Variants in MAPDA observed in about 807,000 individuals in gnomAD.
The protein encoded by MAPDA is N6-Methyl-AMP deaminase, also known as N6,N6-dimethyl-AMP deaminase.
chr15:43,337,438 A>G, the MAPDA span, among the ~76,000 whole-genome samples: 1 of 152,200 alleles, frequency 6.6e-6, no homozygotes, highest in African/African-American at 2.4e-5. Flanking sequence ...TCCCTAGGGA[A>G]ATTGTGCTTT....
chr15:43,345,926 C>G, the MAPDA span: 1 of 1,614,090 alleles, frequency 6.2e-7, no homozygotes, highest in Non-Finnish European at 8.5e-7. Flanking sequence ...CCGAGGAGTT[C>G]TTCCTTTCTA....
chr15:43,337,187 A>C, the MAPDA span, among the ~76,000 whole-genome samples: 1 of 151,118 alleles, frequency 6.6e-6, no homozygotes, highest in Non-Finnish European at 1.5e-5. Context: ...GAGGTAGGAG[A>C]ATGATGTGAA....
chr15:43,338,572 T>C, the MAPDA span, among the ~76,000 whole-genome samples: 1 of 152,254 alleles, frequency 6.6e-6, no homozygotes, highest in Non-Finnish European at 1.5e-5. Flanking sequence ...CCATTCAAGC[T>C]TATACAGTCT....
chr15:43,330,412 G>A, the MAPDA span: 11 of 1,570,986 alleles, frequency 7.0e-6, no homozygotes, highest in East Asian at 4.5e-5. Context: ...GCGCGGCCAG[G>A]GAACGCTTGC....
At chr15:43,333,423 A>C in the MAPDA span, 2 of 151,606 alleles carry the variant, frequency 1.3e-5, no homozygotes, top group African/African-American at 4.8e-5. Context: ...CTCAAAAGAA[A>C]AAAAAAAAAA....
chr15:43,339,888 C>G, the MAPDA span, among the ~76,000 whole-genome samples: 1 of 152,186 alleles, frequency 6.6e-6, no homozygotes, highest in Non-Finnish European at 1.5e-5. Flanking sequence ...TCTGTATGTG[C>G]ATTTCCTAGC....
chr15:43,347,153 C>CT, the MAPDA span: 1 of 1,374,046 alleles, frequency 7.3e-7, no homozygotes, highest in Non-Finnish European at 1.0e-6. Flanking sequence ...ATAATAGGGT[C>CT]ATTTGTAAGT....
chr15:43,333,343 A>T, the MAPDA span: 1 of 151,768 alleles, frequency 6.6e-6, no homozygotes, highest in East Asian at 1.9e-4. Context: ...TTGAGTCTGG[A>T]AGCTTGAGAC....
the MAPDA span, chr15:43,349,501 A>G: frequency 1.0e-5 from 3 of 300,430 alleles, no homozygotes; most frequent in African/African-American, 6.8e-5. Flanking sequence ...CTGTCGATAG[A>G]GCAGTACACA....
At chr15:43,340,436 G>T in the MAPDA span, 2 of 1,147,660 alleles carry the variant, frequency 1.7e-6, no homozygotes, top group South Asian at 2.7e-5. Context: ...GGAATATGAA[G>T]CACTAACTTT....
the MAPDA span, among the ~76,000 whole-genome samples, chr15:43,331,217 C>T: frequency 9.9e-3 from 1,507 of 152,306 alleles, 11 homozygotes; most frequent in South Asian, 0.022. Context: ...TCTTTCTCAT[C>T]ACACCGCCTT....
At chr15:43,334,895 TC>T in the MAPDA span, 1 of 460,126 alleles carries the variant, frequency 2.2e-6, no homozygotes. Context: ...ATTAACAAAA[TC>T]CTGTTTCTTT....
the MAPDA span, among the ~76,000 whole-genome samples, chr15:43,338,973 C>T: frequency 1.3e-5 from 2 of 152,356 alleles, no homozygotes; most frequent in Non-Finnish European, 2.9e-5. Flanking sequence ...CTCACTTCAA[C>T]CGTATTCCTC....
chr15:43,331,623 A>G, the MAPDA span, among the ~76,000 whole-genome samples: 1 of 152,226 alleles, frequency 6.6e-6, no homozygotes, highest in Non-Finnish European at 1.5e-5. Flanking sequence ...GAACAAAATG[A>G]AATAAGAAAG....
the MAPDA span, chr15:43,335,068 A>G: frequency 1.3e-6 from 2 of 1,596,102 alleles, no homozygotes; most frequent in Admixed American, 3.4e-5. Context: ...TGCTCATACT[A>G]AGAATAAGAG....
At chr15:43,350,930 T>G in the MAPDA span, 1 of 1,549,434 alleles carries the variant, frequency 6.5e-7, no homozygotes, top group Non-Finnish European at 8.7e-7. Context: ...TTTTTTCCCC[T>G]TTTCATCTAG....
At chr15:43,351,856 T>G in the MAPDA span, 2 of 1,551,706 alleles carry the variant, frequency 1.3e-6, no homozygotes, top group South Asian at 1.2e-5. Flanking sequence ...GTCTTATGAA[T>G]CCATCAACTA....
the MAPDA span, chr15:43,343,035 A>T: frequency 1.3e-6 from 2 of 1,590,822 alleles, no homozygotes; most frequent in Non-Finnish European, 1.7e-6. Flanking sequence ...ACTTGAAGGT[A>T]TAAAACAGTC....
chr15:43,335,306 G>A, the MAPDA span: 41 of 826,852 alleles, frequency 5.0e-5, no homozygotes, highest in Non-Finnish European at 5.6e-5. Flanking sequence ...AGGCCAAGGC[G>A]GGTGGATTCA....
Sources: gnomAD v4.1 joint callset for allele counts (sites outside exome capture counted in the v4.1 genomes callset) on GRCh38, gnomAD v4.1.1 for gene constraint, MANE v1.5 for transcripts, NCBI Gene and HGNC (gene_info 2026-07-23, HGNC 2026-07-21) for gene names.